Variants in PTPRE observed in about 807,000 individuals in gnomAD.
PTPRE encodes the protein receptor-type tyrosine-protein phosphatase epsilon.
A neutral mutation model predicts 102.0 loss-of-function variants in PTPRE; 51 were observed. That is an observed-to-expected ratio of 0.50 (90% CI 0.40 to 0.63). The LOEUF (loss-of-function observed/expected upper bound fraction) is 0.63, where lower values mean the gene tolerates loss of function less well. PTPRE is among the 30% of genes least tolerant of loss of function. The probability of loss-of-function intolerance (pLI) is 0.00; values close to 1 mark genes in which losing one functional copy is unlikely to be tolerated. For synonymous variants in PTPRE, 345 were observed against 348.2 expected (o/e 0.99, Z 0.10); for missense variants, 752 against 915.1 (o/e 0.82, Z 2.30).
intron 2 of PTPRE, among the ~76,000 whole-genome samples, chr10:128,002,736 T>G (rs1185679609): frequency 7.8e-6 from 1 of 128,202 alleles, no homozygotes; most frequent in African/African-American, 2.8e-5. Flanking sequence ...AGGGTCTTGC[T>G]ATGTTACCCA....
chr10:127,989,678 T>C (rs1852439529), intron 2 of PTPRE, among the ~76,000 whole-genome samples: 2 of 152,276 alleles, frequency 1.3e-5, no homozygotes, highest in South Asian at 4.1e-4. Flanking sequence ...TTTTCCGTTA[T>C]GAAAAATATT....
Position 127,947,625 on chromosome 10 carries a change from G to C in PTPRE, c.-30-34649G>C, listed in dbSNP as rs192992611. Among the ~76,000 whole-genome samples the C allele has an allele frequency of 3.7e-3, 569 of 152,224 alleles. 3 individuals carry two copies. Among genetic ancestry groups the C allele is most frequent in the Admixed American group, 7.2e-3 (110 of 15,290 alleles). On this transcript the variant is annotated intron_variant, in intron 1 of 20. Transcript: ENST00000254667. ...GCTCTTACATAACTTTTCTGTGCCC[G>C]GCTATTCTCCCATATGTTAAAGGAG...
At chr10:128,052,349 A>G (rs1848625891) in intron 6 of PTPRE, among the ~76,000 whole-genome samples, 1 of 152,202 alleles carries the variant, frequency 6.6e-6, no homozygotes. Flanking sequence ...AGTGCAGGCA[A>G]ACTTGGTGGG....
chr10:128,051,381 A>G (rs1179701627), intron 6 of PTPRE, among the ~76,000 whole-genome samples: 1 of 152,284 alleles, frequency 6.6e-6, no homozygotes, highest in Non-Finnish European at 1.5e-5. Flanking sequence ...CAAAATTATC[A>G]GCACCACAGG....
chr10:127,912,379 G>A (rs1466271516), intron 1 of PTPRE, among the ~76,000 whole-genome samples: 2 of 152,152 alleles, frequency 1.3e-5, no homozygotes, highest in Admixed American at 1.3e-4. Flanking sequence ...AAGGGCATCT[G>A]TTTTTAAAAA....
chr10:127,992,869 G>A (rs190683165), intron 2 of PTPRE, among the ~76,000 whole-genome samples: 93 of 152,326 alleles, frequency 6.1e-4, no homozygotes, highest in African/African-American at 2.0e-3. Flanking sequence ...TGTAATAACC[G>A]CGTAAGTGGG....
chr10:127,973,264 A>G (rs1850899849), intron 1 of PTPRE, among the ~76,000 whole-genome samples: 1 of 152,178 alleles, frequency 6.6e-6, no homozygotes, highest in African/African-American at 2.4e-5. Flanking sequence ...TCAAGCCTAG[A>G]CACATTTCTG....
At chr10:127,979,031 TAAAC>T (rs1195905929) in intron 1 of PTPRE, among the ~76,000 whole-genome samples, 1 of 151,968 alleles carries the variant, frequency 6.6e-6, no homozygotes, top group Non-Finnish European at 1.5e-5. Flanking sequence ...AAAAAATAAA[TAAAC>T]AAATAAAAAT....
intron 18 of PTPRE, 101 bp downstream of exon 18, chr10:128,076,829 TC>T (rs1851246355): frequency 4.7e-6 from 7 of 1,505,058 alleles, no homozygotes; most frequent in Non-Finnish European, 6.3e-6. Context: ...CCTGCACCTG[TC>T]CTGCTCCTTC....
Position 128,016,307 on chromosome 10 carries a change from C to T in PTPRE, c.-7-24568C>T, listed in dbSNP as rs563862604. 4.3e-4 allele frequency among the ~76,000 whole-genome samples: 65 copies of T among 152,246 alleles called. 1 individual carries two copies. The highest frequency in any genetic ancestry group is 4.1e-4 in the South Asian group (2 of 4,824). ...AGTAATACAGGTCACATTTAGTCAG[C>T]GGGACCCAATTTGCAGCTTCTGTTA... On this transcript the variant is annotated intron_variant, in intron 2 of 20. Coordinates refer to ENST00000254667, the MANE Select transcript of PTPRE (RefSeq NM_006504.6).
chr10:127,931,504 A>C (rs1294767333), intron 1 of PTPRE, among the ~76,000 whole-genome samples: 1 of 152,220 alleles, frequency 6.6e-6, no homozygotes, highest in East Asian at 1.9e-4. Context: ...AATATTTCCC[A>C]CCCCATCTTT....
intron 2 of PTPRE, chr10:127,998,780 T>TA (rs1347132552): frequency 6.6e-6 from 1 of 152,122 alleles, no homozygotes. Context: ...GGCACTTCTT[T>TA]ATGAAGTCGC....
intron 10 of PTPRE, 136 bp from the exon 11 acceptor site, chr10:128,065,939 C>G (rs780624249): frequency 3.1e-6 from 4 of 1,304,220 alleles, no homozygotes; most frequent in Admixed American, 3.5e-5. Flanking sequence ...GGTCGACACA[C>G]GTGAACTTGT....
At position 128,014,463 on chromosome 10, in the gene PTPRE, T is replaced by C. The variant is rs1845266527; in HGVS notation, c.-7-26412T>C. Among the ~76,000 whole-genome samples the C allele has an allele frequency of 2.6e-5, 4 of 152,168 alleles. 1 individual carries two copies. The highest frequency in any genetic ancestry group is 2.6e-4 in the Admixed American group (4 of 15,260). The stretch of plus-strand genomic sequence containing the variant: ...CGAGGGGGACATTGACACACCCCTG[T>C]TGGGCTGGGCCAAGCTTTTGCCCTA... On this transcript the variant is annotated intron_variant, in intron 2 of 20. Coordinates refer to ENST00000254667, the MANE Select transcript of PTPRE (RefSeq NM_006504.6).
intron 2 of PTPRE, among the ~76,000 whole-genome samples, chr10:128,017,824 G>A (rs1247239816): frequency 6.6e-6 from 1 of 152,200 alleles, no homozygotes; most frequent in African/African-American, 2.4e-5. Flanking sequence ...GCTGGAGGCT[G>A]TGGTACAGGA....
At chr10:128,034,050 T>C (rs961262021) in intron 2 of PTPRE, among the ~76,000 whole-genome samples, 1 of 152,248 alleles carries the variant, frequency 6.6e-6, no homozygotes, top group Non-Finnish European at 1.5e-5. Context: ...GTAACTAAAC[T>C]GCAAATTCCT....
intron 1 of PTPRE, among the ~76,000 whole-genome samples, chr10:127,963,488 G>T (rs1338403877): frequency 6.6e-6 from 1 of 152,182 alleles, no homozygotes; most frequent in East Asian, 1.9e-4. Flanking sequence ...CATAGTAGAT[G>T]CCCAGAAAGT....
chr10:128,055,423 A>T (rs1231365464), intron 6 of PTPRE, among the ~76,000 whole-genome samples: 1 of 152,152 alleles, frequency 6.6e-6, no homozygotes, highest in East Asian at 1.9e-4. Flanking sequence ...GACTTCCCTG[A>T]CTGGGACAAA....
intron 2 of PTPRE, among the ~76,000 whole-genome samples, chr10:128,022,622 G>A (rs1453075625): frequency 6.6e-6 from 1 of 152,214 alleles, no homozygotes; most frequent in African/African-American, 2.4e-5. Flanking sequence ...CCTCCAGAAA[G>A]TGCAAGACCA....
Sources: allele counts gnomAD v4.1 joint callset (sites outside exome capture counted in the v4.1 genomes callset), GRCh38; gene constraint gnomAD v4.1.1; transcripts MANE v1.5; gene names NCBI Gene and HGNC (gene_info 2026-07-23, HGNC 2026-07-21).